ANK2: variants seen among roughly 807,000 people sequenced by gnomAD.
ANK2 encodes ankyrin 2, also known as ankyrin-2.
A neutral mutation model predicts 360.5 loss-of-function variants in ANK2; 83 were observed. The observed-to-expected ratio is 0.23, with a 90% CI of 0.19 to 0.28. The LOEUF (loss-of-function observed/expected upper bound fraction) is 0.28. ANK2 is among the 10% of genes least tolerant of loss of function. The pLI, the probability that ANK2 is intolerant of heterozygous loss-of-function variation, is 1.00. For synonymous variants in ANK2, 1,740 were observed against 1,759.5 expected, an observed-to-expected ratio of 0.99 and a Z score of 0.28; for missense variants, 4,201 against 4,795.7, an observed-to-expected ratio of 0.88 and a Z score of 3.66.
chr4:113,337,275 G>T (rs901703998), intron 31 of ANK2, among the ~76,000 whole-genome samples: 2 of 152,138 alleles, frequency 1.3e-5, no homozygotes, highest in Admixed American at 6.5e-5. Flanking sequence ...CTTTATCATT[G>T]ATCTATTGAA....
intron 1 of ANK2, among the ~76,000 whole-genome samples, chr4:113,055,145 C>A (rs889492947): frequency 6.6e-6 from 1 of 152,254 alleles, no homozygotes; most frequent in Middle Eastern, 3.4e-3. Flanking sequence ...GTAACCCCAG[C>A]ACTTTGGGAG....
At chr4:112,996,429 CTA>C (rs1471022910) in intron 2 of ANK2, among the ~76,000 whole-genome samples, 1 of 151,956 alleles carries the variant, frequency 6.6e-6, no homozygotes, top group East Asian at 1.9e-4. Flanking sequence ...TCTAATAAAA[CTA>C]TATTTTAAAA....
At chr4:113,237,569 C>A (rs761134497) in intron 6 of ANK2, 30 bp from the exon 7 acceptor site, 1 of 1,597,118 alleles carries the variant, frequency 6.3e-7, no homozygotes, top group Non-Finnish European at 8.6e-7. Flanking sequence ...GTAATATCTT[C>A]CCTCTTTCTT....
chr4:112,760,862 A>G, the ANK2 span, among the ~76,000 whole-genome samples: 3 of 144,740 alleles, frequency 2.1e-5, no homozygotes, highest in African/African-American at 7.8e-5. Context: ...GCTGGAGTCC[A>G]GTGGTGCGAT....
chr4:113,323,895 G>A (rs1219398790), intron 26 of ANK2: 7 of 1,060,114 alleles, frequency 6.6e-6, no homozygotes, highest in Non-Finnish European at 9.4e-6. Flanking sequence ...GCTTTAGTGT[G>A]AAGATACCTA....
chr4:113,295,812 C>A (rs192699972), intron 22 of ANK2, among the ~76,000 whole-genome samples: 34 of 152,282 alleles, frequency 2.2e-4, no homozygotes, highest in Non-Finnish European at 4.1e-4. Context: ...ATGCTGGTCT[C>A]TCTTCACTGT....
At chr4:113,359,333 G>C (rs1191798471) in intron 38 of ANK2, 34 bp downstream of exon 38, 9 of 1,610,934 alleles carry the variant, frequency 5.6e-6, no homozygotes, top group Non-Finnish European at 7.6e-6. Flanking sequence ...CCTGTGCTAC[G>C]CATGTCATAA....
intron 1 of ANK2, among the ~76,000 whole-genome samples, chr4:113,126,852 A>C (rs2095692541): frequency 6.6e-6 from 1 of 152,222 alleles, no homozygotes; most frequent in South Asian, 2.1e-4. Context: ...ATATAAAATA[A>C]GACTTTGTAA....
chr4:113,230,468 T>C (rs150276031), intron 4 of ANK2, among the ~76,000 whole-genome samples: 7,932 of 152,060 alleles, frequency 0.052, 681 homozygotes, highest in African/African-American at 0.18. Context: ...TGAGCCAAGA[T>C]TGCACCACTG....
At position 113,311,378 on chromosome 4, in the gene ANK2, T is replaced by G; in HGVS notation, c.2672T>G (p.Leu891Trp). 6.2e-7 allele frequency: 1 copy of G among 1,614,136 alleles called. No homozygotes were observed. Among genetic ancestry groups the G allele is most frequent in the Non-Finnish European group, 8.5e-7 (1 of 1,180,014 alleles). The change falls in exon 24 of 46, where the codon TTG (leucine) becomes TGG (tryptophan). Residue 891 changes from leucine (L) to tryptophan (W), a missense_variant. By Grantham distance (61) the Leu-to-Trp change is moderately conservative. This residue lies in a region of ANK2 where 1,268 missense variants were observed against 1,650.8 expected (regional missense o/e 0.77). Coordinates refer to ENST00000357077, the MANE Select transcript of ANK2 (RefSeq NM_001148.6). ...GGTATGAATTACCTGCGATACAGCTTGGAGGGAGGACGATCTGACAGGTAT... is the reference window on the plus strand; with the variant it reads ...GGTATGAATTACCTGCGATACAGCTGGGAGGGAGGACGATCTGACAGGTAT... The part of the protein sequence containing the change: ...LDGMNYLRYS[L>W]EGGRSDSLRS...
intron 1 of ANK2, chr4:112,882,334 TG>T (rs1160037834): frequency 1.3e-5 from 2 of 152,442 alleles, no homozygotes; most frequent in Admixed American, 1.3e-4. Flanking sequence ...AATATTTAGC[TG>T]GGAGGGGTGG....
Position 113,196,357 on chromosome 4 carries a change from T to C in ANK2, c.187-11T>C. 6.2e-7 allele frequency: 1 copy of C among 1,610,970 alleles called. No individual in the cohort carries two copies. Among genetic ancestry groups the C allele is most frequent in the Non-Finnish European group, 8.5e-7 (1 of 1,178,040 alleles). ...TTCACTTCTTAAAGCCTTGTTTGTT[T>C]CTTCTCTCAGAATGGACTCAACGCT... On this transcript the variant is annotated splice_polypyrimidine_tract_variant and intron_variant, in intron 2 of 45. Coordinates refer to ENST00000357077, the MANE Select transcript of ANK2 (RefSeq NM_001148.6).
At position 113,336,611 on chromosome 4, in the gene ANK2, T is replaced by C; in HGVS notation, c.3626T>C (p.Ile1209Thr). 2 of 1,614,126 alleles carry C rather than the reference T, an allele frequency of 1.2e-6. No homozygotes were observed. Among genetic ancestry groups the C allele is most frequent in the Non-Finnish European group, 8.5e-7 (1 of 1,180,030 alleles). The change falls in exon 31 of 46, where the codon ATC (isoleucine) becomes ACC (threonine). Residue 1209 changes from isoleucine (I) to threonine (T), a missense_variant. By Grantham distance (89) the Ile-to-Thr change is moderately conservative. This residue lies in a region of ANK2 where 1,268 missense variants were observed against 1,650.8 expected (regional missense o/e 0.77). Coordinates refer to ENST00000357077, the MANE Select transcript of ANK2 (RefSeq NM_001148.6). Reference protein sequence around the residue: ...QPMHSELVKKILGNKATFSPI... With the variant: ...QPMHSELVKKTLGNKATFSPI... ...ATGCACAGTGAGCTGGTTAAGAAGA[T>C]CCTAGGCAACAAAGCTACCTTCAGC...
upstream of ANK2, chr4:113,049,546 G>A: frequency 8.3e-7 from 1 of 1,201,226 alleles, no homozygotes; most frequent in Non-Finnish European, 1.1e-6. Flanking sequence ...TAACAATGCA[G>A]TCAGATAAAC....
chr4:113,184,332 A>T (rs1026744925), intron 2 of ANK2, among the ~76,000 whole-genome samples: 1 of 151,716 alleles, frequency 6.6e-6, no homozygotes, highest in Non-Finnish European at 1.5e-5. Context: ...ATAAACAGGG[A>T]TAGAGGACAT....
In ANK2 at chr4:113,355,700, A is replaced by G. The variant is rs745718831; in HGVS notation, c.7082A>G (p.His2361Arg). 1.9e-5 allele frequency: 30 copies of G among 1,614,052 alleles called. No individual in the cohort carries two copies. The highest frequency in any genetic ancestry group is 2.4e-5 in the Non-Finnish European group (28 of 1,180,002). ...EGQRTFGSSA[H>R]KTQTDSEVQE... ...CAACGTACCTTTGGTAGTTCAGCCC[A>G]CAAGACACAAACTGATAGTGAGGTT... Residue 2361 changes from histidine (H) to arginine (R), a missense_variant, in exon 38 of 46, where the codon CAC (histidine) becomes CGC (arginine). Coordinates refer to ENST00000357077, the MANE Select transcript of ANK2 (RefSeq NM_001148.6).
upstream of ANK2, among the ~76,000 whole-genome samples, chr4:112,813,402 A>G (rs1010302783): frequency 6.6e-6 from 1 of 152,192 alleles, no homozygotes; most frequent in African/African-American, 2.4e-5. Flanking sequence ...AAAGAAACAT[A>G]TTAAAAATTC....
In ANK2 at chr4:113,282,743, C is replaced by G. The variant is rs769850500; in HGVS notation, c.1950C>G (p.Asn650Lys). Reference sequence around the variant, plus strand: ...TGCAGATAGCTTCCACACTCCTGAACTATGGAGCAGAGACAAACATTGTGA... The same window carrying G: ...TGCAGATAGCTTCCACACTCCTGAAGTATGGAGCAGAGACAAACATTGTGA... Reference protein sequence around the residue: ...NQMQIASTLLNYGAETNIVTK... With the variant: ...NQMQIASTLLKYGAETNIVTK... The change falls in exon 18 of 46, where the codon AAC becomes AAG. Residue 650 changes from asparagine (N) to lysine (K), a missense_variant. This residue lies in a region of ANK2 where 1,268 missense variants were observed against 1,650.8 expected (regional missense o/e 0.77). Transcript: ENST00000357077. 6.2e-7 allele frequency: 1 copy of G among 1,613,914 alleles called. No individual in the cohort carries two copies. Among genetic ancestry groups the G allele is most frequent in the Non-Finnish European group, 8.5e-7 (1 of 1,179,912 alleles).
chr4:112,853,797 T>C (rs1414183626), intron 1 of ANK2, among the ~76,000 whole-genome samples: 1 of 152,224 alleles, frequency 6.6e-6, no homozygotes, highest in Non-Finnish European at 1.5e-5. Context: ...AAATTGGAAA[T>C]GTTTCTTAAT....
Sources: allele counts gnomAD v4.1 joint callset (sites outside exome capture counted in the v4.1 genomes callset), GRCh38; gene constraint gnomAD v4.1.1; regional missense constraint gnomAD v4.1.1; transcripts MANE v1.5; gene names NCBI Gene and HGNC (gene_info 2026-07-23, HGNC 2026-07-21).